Variants in TCERG1 observed in about 807,000 individuals in gnomAD.
TCERG1 encodes the protein transcription elongation regulator 1.
TCERG1 carries 37 observed loss-of-function variants against 144.7 expected under a neutral mutation model. The ratio of observed to expected loss-of-function variants is 0.26; its 90% CI spans 0.20 to 0.34. The LOEUF is 0.34. Among genes scored for constraint, TCERG1 ranks in the 10% least tolerant of loss-of-function variants. The pLI is 1.00. For synonymous variants in TCERG1, 492 were observed against 458.2 expected (o/e 1.07, Z -0.94); for missense variants, 1,027 against 1,380.7 (o/e 0.74, Z 4.06).
At chr5:146,473,858 A>G (rs1248654482) in intron 9 of TCERG1, among the ~76,000 whole-genome samples, 1 of 152,184 alleles carries the variant, frequency 6.6e-6, no homozygotes, top group Non-Finnish European at 1.5e-5. Flanking sequence ...TCTTCACCCA[A>G]GAGCTGTGAT....
rs769363008 is a variant in TCERG1 at position 146,482,600 on chromosome 5, A to G, written c.1946A>G (p.Asp649Gly). ...IARASLFRRD[D>G]NKDIDSEKEA... ...TATTTTATTTTTTATAGGAGAGACGATAATAAAGACATTGACTCAGAGAAA... is the reference window on the plus strand; with the variant it reads ...TATTTTATTTTTTATAGGAGAGACGGTAATAAAGACATTGACTCAGAGAAA... The change falls in exon 14 of 23, where the codon GAT becomes GGT. Residue 649 changes from aspartate to glycine, a missense_variant. Asp to Gly is a moderately conservative substitution (Grantham distance 94). This residue lies in a region of TCERG1 where 482 missense variants were observed against 632.6 expected (regional missense o/e 0.76). Transcript: ENST00000679501. The G allele has an allele frequency of 2.2e-5, 36 of 1,611,504 alleles. No individual in the cohort carries two copies. In the Admixed American group the frequency reaches 5.5e-4, roughly 25 times the overall value.
chr5:146,473,575 C>T (rs1431984092), intron 9 of TCERG1, among the ~76,000 whole-genome samples: 1 of 152,162 alleles, frequency 6.6e-6, no homozygotes, highest in Non-Finnish European at 1.5e-5. Flanking sequence ...AGAGAAGTCA[C>T]CGCTTGGCTT....
intron 13 of TCERG1, chr5:146,481,746 C>T (rs1765381175): frequency 6.6e-6 from 1 of 152,112 alleles, no homozygotes; most frequent in East Asian, 1.9e-4. Flanking sequence ...TATTGAATTA[C>T]ATACTTTTTT....
intron 4 of TCERG1, 150 bp downstream of exon 4, chr5:146,459,487 T>C (rs1235042716): frequency 6.4e-5 from 90 of 1,397,856 alleles, no homozygotes; most frequent in Non-Finnish European, 8.2e-5. Context: ...ACTTTTGGGT[T>C]AGAGGAAAAC....
intron 17 of TCERG1, among the ~76,000 whole-genome samples, chr5:146,502,167 A>T (rs1379883203): frequency 6.6e-6 from 1 of 152,196 alleles, no homozygotes; most frequent in Non-Finnish European, 1.5e-5. Context: ...AACTGCTGGG[A>T]TTACAGGCAT....
intron 1 of TCERG1, among the ~76,000 whole-genome samples, chr5:146,451,105 T>C (rs979589989): frequency 5.9e-5 from 9 of 152,162 alleles, no homozygotes; most frequent in African/African-American, 2.2e-4. Context: ...ATGAATACTG[T>C]AGACTTTTTG....
chr5:146,456,268 T>C (rs1037030832), intron 2 of TCERG1, among the ~76,000 whole-genome samples: 6 of 152,224 alleles, frequency 3.9e-5, no homozygotes, highest in African/African-American at 1.4e-4. Flanking sequence ...GAATAAGAAA[T>C]AGTTTTTTTA....
intron 15 of TCERG1, among the ~76,000 whole-genome samples, chr5:146,489,893 G>A (rs1766231814): frequency 6.6e-6 from 1 of 152,080 alleles, no homozygotes; most frequent in Admixed American, 6.5e-5. Flanking sequence ...GGAGCAACTT[G>A]GAAGCATAAC....
Position 146,507,324 on chromosome 5 carries a change from A to T in TCERG1, c.2961+117A>T. On this transcript the variant is annotated intron_variant, in intron 20 of 22. Coordinates refer to ENST00000679501, the MANE Select transcript of TCERG1 (RefSeq NM_001382548.1). This position sits in a 1 kb window ranked among gnomAD's most constrained non-coding sequence, Gnocchi z 4.6. ...GTCTTTAGATTCATTACTGGAATGCATCTTATGACAATTCTCTGATTTTAA... is the reference window on the plus strand; with the variant it reads ...GTCTTTAGATTCATTACTGGAATGCTTCTTATGACAATTCTCTGATTTTAA... The T allele has an allele frequency of 1.1e-6, 1 of 912,704 alleles. No homozygotes were observed. The highest frequency in any genetic ancestry group is 1.6e-6 in the Non-Finnish European group (1 of 632,664). 56.5% of individuals were successfully genotyped at this position (912,704 alleles called of 1,614,324 possible).
rs529235426 is a variant in TCERG1, at chr5:146,493,950, CTG to C, written c.2282+915_2282+916del. On this transcript the variant is annotated intron_variant, in intron 16 of 22. Coordinates refer to ENST00000679501, the MANE Select transcript of TCERG1 (RefSeq NM_001382548.1). ...ATCTTATATAAATAGTTAATTTTGT[CTG>C]TGGAGGTAGGAAAGAGTGATGTTGT... Among the ~76,000 whole-genome samples the C allele has an allele frequency of 1.5e-3, 231 of 152,090 alleles. 1 individual carries two copies. Among genetic ancestry groups the C allele is most frequent in the African/African-American group, 5.3e-3 (221 of 41,522 alleles).
intron 1 of TCERG1, among the ~76,000 whole-genome samples, chr5:146,447,977 C>T (rs1762036417): frequency 6.6e-6 from 1 of 152,182 alleles, no homozygotes; most frequent in African/African-American, 2.4e-5. Flanking sequence ...CCTTATTATC[C>T]TGTAGTTGTG....
chr5:146,464,956 A>T (rs993544120), intron 5 of TCERG1, among the ~76,000 whole-genome samples: 5 of 151,790 alleles, frequency 3.3e-5, no homozygotes, highest in Non-Finnish European at 7.4e-5. Context: ...TTTTTTTTTT[A>T]ATTTGGAAAA....
chr5:146,476,846 C>T (rs535371708), intron 9 of TCERG1, among the ~76,000 whole-genome samples: 4 of 152,170 alleles, frequency 2.6e-5, no homozygotes, highest in Non-Finnish European at 5.9e-5. Flanking sequence ...TACAGTGGCA[C>T]GATCATAGCT....
chr5:146,507,317 G>A lies in TCERG1; in HGVS notation c.2961+110G>A. The A allele has an allele frequency of 1.0e-6, 1 of 980,754 alleles. No individual in the cohort carries two copies. The allele number at this position is 980,754 out of a possible 1,614,324, so 60.8% of individuals were successfully genotyped here. A position where few individuals can be genotyped will look rare whatever the true frequency, so the allele number is the denominator to read the frequency against. On this transcript the variant is annotated intron_variant, in intron 20 of 22. Coordinates refer to ENST00000679501, the MANE Select transcript of TCERG1 (RefSeq NM_001382548.1). This position sits in a 1 kb window ranked among gnomAD's most constrained non-coding sequence, Gnocchi z 4.6. Reference sequence around the variant, plus strand: ...TGTCATGGTCTTTAGATTCATTACTGGAATGCATCTTATGACAATTCTCTG... The same window carrying A: ...TGTCATGGTCTTTAGATTCATTACTAGAATGCATCTTATGACAATTCTCTG...
At chr5:146,461,874 G>A (rs915952296) in intron 4 of TCERG1, 1 of 152,326 alleles carries the variant, frequency 6.6e-6, no homozygotes, top group African/African-American at 2.4e-5. Context: ...AGGGAAGTTG[G>A]GAACAATGAC....
chr5:146,486,872 C>T (rs764891858), intron 15 of TCERG1, among the ~76,000 whole-genome samples: 1 of 152,020 alleles, frequency 6.6e-6, no homozygotes, highest in Non-Finnish European at 1.5e-5. Context: ...GTCAGGAGTT[C>T]GAGACCAGCC....
In TCERG1 at chr5:146,490,045, C is replaced by T. The variant is rs140512755; in HGVS notation, c.2164-2875C>T. On this transcript the variant is annotated intron_variant, in intron 15 of 22. Coordinates refer to ENST00000679501, the MANE Select transcript of TCERG1 (RefSeq NM_001382548.1). ...ACAAATTCCCTTGAATTTTAGGTAT[C>T]ATTTAATATTTTATTTATAAGTAAG... Among the ~76,000 whole-genome samples the T allele has an allele frequency of 2.6e-5, 4 of 152,262 alleles. No homozygotes were observed. In the South Asian group the frequency reaches 8.3e-4, roughly 32 times the overall value.
In TCERG1 at chr5:146,482,657, C is replaced by T. The variant is rs1451415178; in HGVS notation, c.2003C>T (p.Ala668Val). 2 of 1,612,998 alleles carry T rather than the reference C, an allele frequency of 1.2e-6. No homozygotes were observed. The highest frequency in any genetic ancestry group is 2.2e-5 in the East Asian group (1 of 44,824). ...EAAMEAEIKAARERAIVPLEA... is the reference protein window; with the variant it reads ...EAAMEAEIKAVRERAIVPLEA... Reference sequence around the variant, plus strand: ...GCCATGGAAGCTGAAATTAAAGCTGCCCGAGAAAGGGCCATTGTCCCTCTG... The same window carrying T: ...GCCATGGAAGCTGAAATTAAAGCTGTCCGAGAAAGGGCCATTGTCCCTCTG... The change falls in exon 14 of 23, where the codon GCC becomes GTC. Residue 668 changes from alanine (A) to valine (V), a missense_variant. By Grantham distance (64) the Ala-to-Val change is moderately conservative. Around this residue, in one of 6 missense-constraint regions of TCERG1, gnomAD observed 482 missense variants for 632.6 expected, o/e 0.76. Transcript: ENST00000679501.
Position 146,507,012 on chromosome 5 carries a change from A to T in TCERG1, c.2782-16A>T, listed in dbSNP as rs764112881. 2.3e-5 allele frequency: 36 copies of T among 1,551,014 alleles called. No individual in the cohort carries two copies. The East Asian group carries it at 7.1e-4, about 30-fold the overall frequency. ...TAAGTCTCTTTGGTGATATATATAT[A>T]ATTTTTTCTCTTCAGGTACGTTCTT... On this transcript the variant is annotated splice_polypyrimidine_tract_variant and intron_variant, in intron 19 of 22. Coordinates refer to ENST00000679501, the MANE Select transcript of TCERG1 (RefSeq NM_001382548.1). The surrounding 1 kb of genome is among the most constrained non-coding windows in gnomAD (Gnocchi z 4.6).
Sources: gnomAD v4.1 joint callset for allele counts (sites outside exome capture counted in the v4.1 genomes callset) on GRCh38, gnomAD v4.1.1 for gene constraint, gnomAD v4.1.1 regional missense constraint, Gnocchi (gnomAD v3.1) non-coding constraint, MANE v1.5 for transcripts, NCBI Gene and HGNC (gene_info 2026-07-23, HGNC 2026-07-21) for gene names.